The following NECAB1 variants were observed in gnomAD, a reference collection of about 807,000 sequenced individuals.
NECAB1 encodes the protein N-terminal EF-hand calcium binding protein 1, also known as N-terminal EF-hand calcium-binding protein 1.
A neutral mutation model predicts 57.5 loss-of-function variants in NECAB1; 29 were observed. The ratio of observed to expected loss-of-function variants is 0.50; its 90% CI spans 0.38 to 0.69. The LOEUF (loss-of-function observed/expected upper bound fraction) is 0.69, where lower values mean the gene tolerates loss of function less well. Among genes scored for constraint, NECAB1 ranks in the 30% least tolerant of loss-of-function variants. The pLI, the probability that NECAB1 is intolerant of heterozygous loss-of-function variation, is 0.00. For missense variants in NECAB1, 372 were observed against 413.8 expected (o/e 0.90, Z 0.88); for synonymous variants, 142 against 147.7 (o/e 0.96, Z 0.28).
In NECAB1 at chr8:90,816,200, C is replaced by T. The variant is rs141353842; in HGVS notation, c.125-8517C>T. On this transcript the variant is annotated intron_variant, in intron 2 of 12. Transcript: ENST00000417640. ...AGATCTTTTGCTGATTTTTAGTTGG[C>T]TTTTGTTTTCTTACTGTTGAGTTTT... 2.6e-5 allele frequency among the ~76,000 whole-genome samples: 4 copies of T among 151,760 alleles called. No homozygotes were observed. The East Asian group carries it at 7.7e-4, about 29-fold the overall frequency.
At chr8:90,890,897 G>A (rs1229821092) in intron 5 of NECAB1, among the ~76,000 whole-genome samples, 1 of 152,164 alleles carries the variant, frequency 6.6e-6, no homozygotes. Context: ...AAAACTTTAA[G>A]TAGATTTCAT....
At chr8:90,797,265 G>T (rs1276110677) in intron 1 of NECAB1, among the ~76,000 whole-genome samples, 2 of 152,152 alleles carry the variant, frequency 1.3e-5, no homozygotes, top group Non-Finnish European at 2.9e-5. Flanking sequence ...AAAAAAGGAG[G>T]ACCATCTTCT....
At position 90,858,803 on chromosome 8, in the gene NECAB1, T is replaced by C. The variant is rs1812842960; in HGVS notation, c.234-13325T>C. ...TGAAGAATGCACCCAAGTGGAGGCA[T>C]TCCTAGATCAAATCCTGTGTTCCCT... On this transcript the variant is annotated intron_variant, in intron 3 of 12. Coordinates refer to ENST00000417640, the MANE Select transcript of NECAB1 (RefSeq NM_022351.5). Among the ~76,000 whole-genome samples, 4 of 152,166 alleles carry C rather than the reference T, an allele frequency of 2.6e-5. No individual in the cohort carries two copies. The South Asian group carries it at 8.3e-4, about 31-fold the overall frequency.
chr8:90,949,461 T>A (rs1810882077), intron 10 of NECAB1, among the ~76,000 whole-genome samples: 1 of 152,144 alleles, frequency 6.6e-6, no homozygotes, highest in Admixed American at 6.5e-5. Flanking sequence ...CACTCACATT[T>A]TTCTGGTCCT....
chr8:90,826,203 C>A (rs189215954), intron 3 of NECAB1, among the ~76,000 whole-genome samples: 164 of 151,970 alleles, frequency 1.1e-3, no homozygotes, highest in African/African-American at 3.8e-3. Flanking sequence ...CAAGTAGTTT[C>A]TTACTACTAA....
intron 6 of NECAB1, among the ~76,000 whole-genome samples, chr8:90,919,400 T>A (rs969286743): frequency 1.6e-4 from 24 of 152,190 alleles, no homozygotes; most frequent in Non-Finnish European, 2.4e-4. Context: ...AATTAACTGA[T>A]ACATAATTAT....
intron 12 of NECAB1, among the ~76,000 whole-genome samples, chr8:90,954,946 C>T (rs986593068): frequency 1.4e-5 from 2 of 145,598 alleles, no homozygotes; most frequent in Non-Finnish European, 3.0e-5. Context: ...TGTATACATA[C>T]ATGTATACAT....
At chr8:90,840,386 T>C (rs942137373) in intron 3 of NECAB1, among the ~76,000 whole-genome samples, 2 of 152,198 alleles carry the variant, frequency 1.3e-5, no homozygotes, top group African/African-American at 2.4e-5. Flanking sequence ...TGAGCCACAG[T>C]GAGATTGGGT....
intron 2 of NECAB1, among the ~76,000 whole-genome samples, chr8:90,817,887 C>A (rs1353531294): frequency 6.6e-6 from 1 of 151,818 alleles, no homozygotes; most frequent in Non-Finnish European, 1.5e-5. Flanking sequence ...GAATTGCTAT[C>A]ATTTGTTGCT....
intron 3 of NECAB1, among the ~76,000 whole-genome samples, chr8:90,851,160 G>C (rs976141961): frequency 1.3e-5 from 2 of 152,074 alleles, no homozygotes; most frequent in Non-Finnish European, 2.9e-5. Flanking sequence ...ACCCGAAGAG[G>C]GCATGGAAGC....
chr8:90,895,552 T>C (rs894922227), intron 5 of NECAB1, among the ~76,000 whole-genome samples: 3 of 152,232 alleles, frequency 2.0e-5, no homozygotes, highest in African/African-American at 7.2e-5. Context: ...GAAACAAAAA[T>C]TAGCCTTTGC....
At chr8:90,856,260 T>C (rs1379741383) in intron 3 of NECAB1, among the ~76,000 whole-genome samples, 1 of 152,180 alleles carries the variant, frequency 6.6e-6, no homozygotes, top group East Asian at 1.9e-4. Context: ...CTGACTTCAT[T>C]GCCATAGTAA....
At chr8:90,917,743 A>T in intron 6 of NECAB1, 115 bp downstream of exon 6, 1 of 1,004,568 alleles carries the variant, frequency 1.0e-6, no homozygotes, top group Non-Finnish European at 1.3e-6. Context: ...TGATATATTT[A>T]AAAAGAATGA....
intron 5 of NECAB1, among the ~76,000 whole-genome samples, chr8:90,906,725 T>C (rs1809659636): frequency 6.6e-6 from 1 of 151,814 alleles, no homozygotes; most frequent in South Asian, 2.1e-4. Context: ...CTTTCAGAAA[T>C]TTTGTTTAAT....
At chr8:90,931,815 A>C (rs970944069) in intron 8 of NECAB1, among the ~76,000 whole-genome samples, 14 of 152,174 alleles carry the variant, frequency 9.2e-5, no homozygotes, top group Non-Finnish European at 1.9e-4. Context: ...GAGGCAGGAG[A>C]ATCGCTTGAA....
At position 90,955,612 on chromosome 8, in the gene NECAB1, AT is replaced by A. The variant is rs1811017314; in HGVS notation, c.*105del. On this transcript the variant is annotated 3_prime_UTR_variant, in exon 13 of 13. Coordinates refer to ENST00000417640, the MANE Select transcript of NECAB1 (RefSeq NM_022351.5). ...ATCTGCGGTTGTTAATCTACTGTAT[AT>A]TTTTGTTTGGTATATTTACTAAGTG... 9 of 889,664 alleles carry A rather than the reference AT, an allele frequency of 1.0e-5. No individual in the cohort carries two copies. In the East Asian group the frequency reaches 2.3e-4, roughly 23 times the overall value. 55.1% of individuals were successfully genotyped at this position (889,664 alleles called of 1,614,324 possible). A position where few individuals can be genotyped will look rare whatever the true frequency, so the allele number is the denominator to read the frequency against.
rs1034206212 is a variant in NECAB1 at position 90,891,750 on chromosome 8, G to A, written c.357+10620G>A. On this transcript the variant is annotated intron_variant, in intron 5 of 12. Transcript: ENST00000417640. ...CTCCTGTTGCGCAGGCTAGAGTGCA[G>A]TGGTGGGATCTCAGCTCATTGCAAC... Among the ~76,000 whole-genome samples the A allele has an allele frequency of 2.0e-5, 3 of 151,758 alleles. No homozygotes were observed. In the East Asian group the frequency reaches 5.8e-4, roughly 29 times the overall value.
chr8:90,818,325 T>C lies in NECAB1; in HGVS notation c.125-6392T>C, dbSNP rs369234022. 5.9e-5 allele frequency among the ~76,000 whole-genome samples: 9 copies of C among 152,146 alleles called. 1 individual carries two copies. The highest frequency in any genetic ancestry group is 1.9e-4 in the African/African-American group (8 of 41,564). ...ATTTTTATTATTTATTTTCTTCTGC[T>C]TATTTTGAATTAAATTATTTTTCTC... On this transcript the variant is annotated intron_variant, in intron 2 of 12. Coordinates refer to ENST00000417640, the MANE Select transcript of NECAB1 (RefSeq NM_022351.5).
At chr8:90,800,919 TAGAAATC>T (rs1274680796) in intron 1 of NECAB1, among the ~76,000 whole-genome samples, 1 of 152,102 alleles carries the variant, frequency 6.6e-6, no homozygotes, top group Non-Finnish European at 1.5e-5. Context: ...AGAAGAACAT[TAGAAATC>T]ATTACTAAAG....
Sources: gnomAD v4.1 joint callset for allele counts (sites outside exome capture counted in the v4.1 genomes callset) on GRCh38, gnomAD v4.1.1 for gene constraint, MANE v1.5 for transcripts, NCBI Gene and HGNC (gene_info 2026-07-23, HGNC 2026-07-21) for gene names.